PRDM1: variants seen among roughly 807,000 people sequenced by gnomAD.
PRDM1 encodes the protein PR domain zinc finger protein 1.
PRDM1 carries 13 observed loss-of-function variants against 62.8 expected under a neutral mutation model. The observed-to-expected ratio is 0.21, with a 90% CI of 0.13 to 0.33. The LOEUF (loss-of-function observed/expected upper bound fraction) is 0.33. Among genes scored for constraint, PRDM1 ranks in the 10% least tolerant of loss-of-function variants. The pLI, the probability that PRDM1 is intolerant of heterozygous loss-of-function variation, is 1.00. For missense variants in PRDM1, 895 were observed against 1,058.8 expected, an observed-to-expected ratio of 0.85 and a Z score of 2.15; for synonymous variants, 396 against 417.6, an observed-to-expected ratio of 0.95 and a Z score of 0.63.
chr6:106,093,285 T>C (rs984109139), intron 2 of PRDM1, among the ~76,000 whole-genome samples: 3 of 152,212 alleles, frequency 2.0e-5, no homozygotes, highest in African/African-American at 4.8e-5. Context: ...TAGAGGCCCA[T>C]TCTGTAAAAG....
intron 1 of PRDM1, among the ~76,000 whole-genome samples, chr6:106,065,870 C>T (rs1773424917): frequency 6.6e-6 from 1 of 152,146 alleles, no homozygotes; most frequent in South Asian, 2.1e-4. Context: ...TCCTGCTGTA[C>T]TTGTCTCTCT....
chr6:106,012,519 CA>C (rs1772571169), intron 1 of PRDM1, among the ~76,000 whole-genome samples: 1 of 151,956 alleles, frequency 6.6e-6, no homozygotes, highest in Non-Finnish European at 1.5e-5. Context: ...CCATACTACA[CA>C]CATGCACACA....
upstream of PRDM1, among the ~76,000 whole-genome samples, chr6:106,083,838 C>G (rs913339342): frequency 6.6e-6 from 1 of 152,310 alleles, no homozygotes; most frequent in Non-Finnish European, 1.5e-5. Context: ...AGATTCCAGA[C>G]AGTGGCAGCC....
chr6:106,009,326 A>ATT (rs1772518087), intron 1 of PRDM1, among the ~76,000 whole-genome samples: 1 of 152,110 alleles, frequency 6.6e-6, no homozygotes, highest in Non-Finnish European at 1.5e-5. Context: ...ATTTACGTGG[A>ATT]TTTTTTAGGA....
upstream of PRDM1, among the ~76,000 whole-genome samples, chr6:105,993,341 G>A (rs9399963): frequency 6.6e-6 from 1 of 152,214 alleles, no homozygotes; most frequent in Non-Finnish European, 1.5e-5. Flanking sequence ...AGTAACAATA[G>A]GAGAACTGGT....
At chr6:106,014,754 AT>A (rs902490377) in intron 1 of PRDM1, among the ~76,000 whole-genome samples, 49 of 150,876 alleles carry the variant, frequency 3.2e-4, no homozygotes, top group Non-Finnish European at 4.4e-4. Context: ...GATAGAACAC[AT>A]TTTTTTTTAT....
intron 4 of PRDM1, 131 bp from the exon 5 acceptor site, chr6:106,104,694 G>A (rs776159094): frequency 1.5e-4 from 179 of 1,201,308 alleles, no homozygotes; most frequent in Non-Finnish European, 2.0e-4. Flanking sequence ...AGAGTGCGTT[G>A]GAAGCCAGAT....
At chr6:106,103,297 A>AG (rs1244181068) in intron 4 of PRDM1, among the ~76,000 whole-genome samples, 1 of 152,156 alleles carries the variant, frequency 6.6e-6, no homozygotes, top group African/African-American at 2.4e-5. Flanking sequence ...ATACATTTAA[A>AG]GGGTTCAGTT....
chr6:106,086,491 T>C lies in PRDM1; in HGVS notation c.-63T>C, dbSNP rs1773809299. On this transcript the variant is annotated 5_prime_UTR_variant, in exon 1 of 7. Transcript: ENST00000369096. ...CCGCCGAGGTGCGCGTCTGTGCGGC[T>C]CAGCCTGGCGGGGGACGCGGGGAGA... is the stretch of plus-strand genomic sequence containing the variant. 1.1e-5 allele frequency: 16 copies of C among 1,499,374 alleles called. No individual in the cohort carries two copies. In the Admixed American group the frequency reaches 3.2e-4, roughly 30 times the overall value. 92.9% of individuals were successfully genotyped at this position (1,499,374 alleles called of 1,614,324 possible).
intron 1 of PRDM1, among the ~76,000 whole-genome samples, chr6:106,004,974 C>A (rs948700293): frequency 3.3e-5 from 5 of 152,138 alleles, no homozygotes; most frequent in Non-Finnish European, 7.4e-5. Flanking sequence ...TAGATTTCCT[C>A]TTCTAGTACA....
At chr6:106,053,658 A>C (rs1300196352) in intron 1 of PRDM1, among the ~76,000 whole-genome samples, 2 of 152,134 alleles carry the variant, frequency 1.3e-5, no homozygotes, top group Non-Finnish European at 2.9e-5. Flanking sequence ...TTAAAATGCC[A>C]ACACTCTAAG....
chr6:106,062,845 T>A (rs2114594141), intron 1 of PRDM1, among the ~76,000 whole-genome samples: 1 of 152,088 alleles, frequency 6.6e-6, no homozygotes, highest in Middle Eastern at 3.4e-3. Flanking sequence ...GGAATGGGAG[T>A]GTAAATGAAT....
In PRDM1 at chr6:106,105,534, C is replaced by T. The variant is rs779643872; in HGVS notation, c.1374C>T (p.His458=). ...TCCTCGGTGGGGGCAGCCTGCCCCACCCCATGCTCAACCCCACTTCTCTCC... is the reference window on the plus strand; with the variant it reads ...TCCTCGGTGGGGGCAGCCTGCCCCATCCCATGCTCAACCCCACTTCTCTCC... ...SNLLGGGSLP[H]PMLNPTSLPS... Residue 458 remains histidine, a synonymous_variant, in exon 5 of 7, where the codon CAC becomes CAT. Coordinates refer to ENST00000369096, the MANE Select transcript of PRDM1 (RefSeq NM_001198.4). 1 of 1,613,144 alleles carries T rather than the reference C, an allele frequency of 6.2e-7. No individual in the cohort carries two copies. The highest frequency in any genetic ancestry group is 1.3e-5 in the African/African-American group (1 of 74,922).
rs1199708757 is a variant in PRDM1 at position 106,108,499 on chromosome 6, G to GT, written c.*1017dup. 2.6e-4 allele frequency: 45 copies of GT among 175,818 alleles called. No individual in the cohort carries two copies. The highest frequency in any genetic ancestry group is 1.1e-3 in the African/African-American group (37 of 33,248). The allele number at this position is 175,818 out of a possible 1,614,324, so 10.9% of individuals were successfully genotyped here. A position where few individuals can be genotyped will look rare whatever the true frequency, so the allele number is the denominator to read the frequency against. ...ATTTGGGGGCTTGAGTCTGGGTGGT[G>GT]TTTTGTTGTTGGTTTTTGTTGCTTT... On this transcript the variant is annotated 3_prime_UTR_variant, in exon 7 of 7. Coordinates refer to ENST00000369096, the MANE Select transcript of PRDM1 (RefSeq NM_001198.4).
chr6:105,993,297 C>A (rs1772302462), upstream of PRDM1, among the ~76,000 whole-genome samples: 1 of 152,180 alleles, frequency 6.6e-6, no homozygotes, highest in Non-Finnish European at 1.5e-5. Flanking sequence ...TCCCCAAAAT[C>A]CACCACGAAA....
intron 1 of PRDM1, among the ~76,000 whole-genome samples, chr6:106,012,437 C>A (rs1178571521): frequency 6.6e-6 from 1 of 151,506 alleles, no homozygotes; most frequent in Non-Finnish European, 1.5e-5. Context: ...TACATACACA[C>A]AAACATATCA....
chr6:106,107,540 G>T lies in PRDM1; in HGVS notation c.*54G>T. On this transcript the variant is annotated 3_prime_UTR_variant, in exon 7 of 7. Coordinates refer to ENST00000369096, the MANE Select transcript of PRDM1 (RefSeq NM_001198.4). ...TTAAGTTATGACTTGGTGAGTCAGG[G>T]TGCCTGTAGGAAGTGGCTTGTACAT... 6.8e-7 allele frequency: 1 copy of T among 1,475,384 alleles called. No individual in the cohort carries two copies. Among genetic ancestry groups the T allele is most frequent in the East Asian group, 2.3e-5 (1 of 43,646 alleles). The allele number at this position is 1,475,384 out of a possible 1,614,324, so 91.4% of individuals were successfully genotyped here. A position where few individuals can be genotyped will look rare whatever the true frequency, so the allele number is the denominator to read the frequency against.
chr6:106,076,251 C>T (rs1447860099), intron 1 of PRDM1, among the ~76,000 whole-genome samples: 1 of 152,138 alleles, frequency 6.6e-6, no homozygotes, highest in African/African-American at 2.4e-5. Context: ...CAGGCGTGAA[C>T]CACTGCACCC....
chr6:106,050,598 G>A (rs115956547), intron 1 of PRDM1, among the ~76,000 whole-genome samples: 3 of 152,230 alleles, frequency 2.0e-5, no homozygotes, highest in African/African-American at 4.8e-5. Flanking sequence ...CTTTCTGCGC[G>A]TGCTAGGTTC....
Sources: gnomAD v4.1 joint callset for allele counts (sites outside exome capture counted in the v4.1 genomes callset) on GRCh38, gnomAD v4.1.1 for gene constraint, MANE v1.5 for transcripts, NCBI Gene and HGNC (gene_info 2026-07-23, HGNC 2026-07-21) for gene names.